Variants in FAM204A observed in about 807,000 individuals in gnomAD.
FAM204A encodes protein FAM204A.
A neutral mutation model predicts 35.4 loss-of-function variants in FAM204A; 16 were observed. The ratio of observed to expected loss-of-function variants is 0.45; its 90% CI spans 0.31 to 0.69. The LOEUF (loss-of-function observed/expected upper bound fraction) is 0.69. FAM204A is among the 30% of genes least tolerant of loss of function. FAM204A has a pLI of 0.07. For missense variants in FAM204A, 240 were observed against 265.7 expected (o/e 0.90, Z 0.67); for synonymous variants, 76 against 86.9 (o/e 0.88, Z 0.70).
chr10:118,319,404 C>CA (rs1846078418), intron 7 of FAM204A, among the ~76,000 whole-genome samples: 1 of 151,906 alleles, frequency 6.6e-6, no homozygotes, highest in African/African-American at 2.4e-5. Context: ...ACATTATTAA[C>CA]TTTACCTGTA....
At chr10:118,323,672 G>T (rs73426853) in intron 7 of FAM204A, among the ~76,000 whole-genome samples, 2,476 of 152,060 alleles carry the variant, frequency 0.016, 57 homozygotes, top group African/African-American at 0.056. Context: ...CAACCTCACA[G>T]GTACTGCCCC....
In FAM204A at chr10:118,335,231, G is replaced by C; in HGVS notation, c.354-18C>G. On this transcript the variant is annotated intron_variant, in intron 5 of 8. Transcript: ENST00000369183. The stretch of plus-strand genomic sequence containing the variant: ...ACGGTTCACTAAAAGAAGATAGTAA[G>C]TTTTGTTTTATACAATATATACTGT... 2 of 1,604,338 alleles carry C rather than the reference G, an allele frequency of 1.2e-6. No homozygotes were observed. Among genetic ancestry groups the C allele is most frequent in the Non-Finnish European group, 1.7e-6 (2 of 1,173,226 alleles).
At chr10:118,315,277 G>C (rs1243036722) in intron 7 of FAM204A, among the ~76,000 whole-genome samples, 2 of 152,154 alleles carry the variant, frequency 1.3e-5, no homozygotes, top group Non-Finnish European at 2.9e-5. Flanking sequence ...AATAAAGTTA[G>C]TTTTTCTTGC....
At position 118,336,337 on chromosome 10, in the gene FAM204A, T is replaced by C. The variant is rs1846385892; in HGVS notation, c.79A>G (p.Asn27Asp). ...TCTTCCTGTAAGTTAAGTCCAGAGT[T>C]CTCCAACGTAGCTTCATCTTCCGAG... ...SNSEDEATLE[N>D]SGLNLQEDKE... Residue 27 changes from asparagine to aspartate, a missense_variant, in exon 3 of 9, where the codon AAC becomes GAC. Around this residue, in one of 2 missense-constraint regions of FAM204A, gnomAD observed 232 missense variants for 242.8 expected, o/e 0.96. Transcript: ENST00000369183. The C allele has an allele frequency of 6.2e-7, 1 of 1,614,026 alleles. No homozygotes were observed.
rs544082608 is a variant in FAM204A, at chr10:118,301,457, C to G, written c.*9400G>C. 18 of 152,314 alleles carry G rather than the reference C, an allele frequency of 1.2e-4. No individual in the cohort carries two copies. The highest frequency in any genetic ancestry group is 2.6e-4 in the Admixed American group (4 of 15,300). The allele number at this position is 152,314 out of a possible 1,614,324, so 9.4% of individuals were successfully genotyped here. A position where few individuals can be genotyped will look rare whatever the true frequency, so the allele number is the denominator to read the frequency against. On this transcript the variant is annotated 3_prime_UTR_variant, in exon 9 of 9. Transcript: ENST00000369183. ...AGACACCTGTATACTGCATGACTTT[C>G]ATTCAAGAACAGGAACTCTGAGTTA...
rs1345678306 is a variant in FAM204A at position 118,303,288 on chromosome 10, C to T, written c.*7569G>A. On this transcript the variant is annotated 3_prime_UTR_variant, in exon 9 of 9. Transcript: ENST00000369183. Reference sequence around the variant, plus strand: ...TTATACATATGTAGAACCAAGATGTCCCTCCAAGGCAAGGAGCATAAATAA... The same window carrying T: ...TTATACATATGTAGAACCAAGATGTTCCTCCAAGGCAAGGAGCATAAATAA... The T allele has an allele frequency of 6.6e-6, 1 of 152,192 alleles. No homozygotes were observed. The highest frequency in any genetic ancestry group is 1.5e-5 in the Non-Finnish European group (1 of 68,040). The allele number at this position is 152,192 out of a possible 1,614,324, so 9.4% of individuals were successfully genotyped here.
At chr10:118,324,727 T>G (rs1846171138) in intron 7 of FAM204A, among the ~76,000 whole-genome samples, 1 of 152,098 alleles carries the variant, frequency 6.6e-6, no homozygotes, top group Non-Finnish European at 1.5e-5. Context: ...GAGTTTCAGT[T>G]CTGCAAGACA....
rs1845914926 is a variant in FAM204A, at chr10:118,309,546, A to C, written c.*1311T>G. The C allele has an allele frequency of 6.6e-6, 1 of 152,190 alleles. No individual in the cohort carries two copies. 9.4% of individuals were successfully genotyped at this position (152,190 alleles called of 1,614,324 possible). A position where few individuals can be genotyped will look rare whatever the true frequency, so the allele number is the denominator to read the frequency against. On this transcript the variant is annotated 3_prime_UTR_variant, in exon 9 of 9. Coordinates refer to ENST00000369183, the MANE Select transcript of FAM204A (RefSeq NM_022063.3). ...GAGTGGTTCTTTACCTCCGCTGGGCACTGAGCAGGGAGGTGCCGACACACC... is the reference window on the plus strand; with the variant it reads ...GAGTGGTTCTTTACCTCCGCTGGGCCCTGAGCAGGGAGGTGCCGACACACC...
chr10:118,311,101 A>C, intron 8 of FAM204A, 106 bp downstream of exon 8: 1 of 1,151,258 alleles, frequency 8.7e-7, no homozygotes, highest in South Asian at 1.4e-5. Context: ...CGAAGAAAAA[A>C]ATGTAAAATG....
At position 118,335,206 on chromosome 10, in the gene FAM204A, A is replaced by G. The variant is rs1846360548; in HGVS notation, c.361T>C (p.Ser121Pro). ...TCTTTCCACTGGGTTTCATTTGAGG[A>G]CGGTTCACTAAAAGAAGATAGTAAG... ...KNEKELHSEP[S>P]SNETQWKELT... Residue 121 changes from serine (S) to proline (P), a missense_variant, in exon 6 of 9, where the codon TCC becomes CCC. Transcript: ENST00000369183. 1.2e-6 allele frequency: 2 copies of G among 1,612,554 alleles called. No homozygotes were observed. The highest frequency in any genetic ancestry group is 8.5e-7 in the Non-Finnish European group (1 of 1,179,430).
chr10:118,326,724 G>T (rs552305201), intron 6 of FAM204A, among the ~76,000 whole-genome samples: 2 of 152,150 alleles, frequency 1.3e-5, no homozygotes, highest in African/African-American at 4.8e-5. Flanking sequence ...GCCATCACAT[G>T]AATTCAGGTT....
rs1426006895 is a variant in FAM204A, at chr10:118,299,048, T to C, written c.*11809A>G. ...AATCCTTCTCTGGCCCCCTGGACAG[T>C]GTACGTGTGAGTGACGGTTCCCTCT... is the stretch of plus-strand genomic sequence containing the variant. On this transcript the variant is annotated 3_prime_UTR_variant, in exon 9 of 9. Transcript: ENST00000369183. 2 of 152,186 alleles carry C rather than the reference T, an allele frequency of 1.3e-5. No homozygotes were observed. Among genetic ancestry groups the C allele is most frequent in the East Asian group, 1.9e-4 (1 of 5,186 alleles). 9.4% of individuals were successfully genotyped at this position (152,186 alleles called of 1,614,324 possible).
chr10:118,311,332 A>AG lies in FAM204A; in HGVS notation c.544-20_544-19insC. ...CACCAAGCTAAGAATTACAAAGGAG[A>AG]AAAAAAAAGTGAAAATAAATATTCC... On this transcript the variant is annotated intron_variant, in intron 7 of 8. Transcript: ENST00000369183. 1 of 1,119,938 alleles carries AG rather than the reference A, an allele frequency of 8.9e-7. No homozygotes were observed. Among genetic ancestry groups the AG allele is most frequent in the Non-Finnish European group, 1.2e-6 (1 of 849,118 alleles). The allele number at this position is 1,119,938 out of a possible 1,614,324, so 69.4% of individuals were successfully genotyped here.
rs373194636 is a variant in FAM204A, at chr10:118,341,134, T to C, written c.-9+593A>G. On this transcript the variant is annotated intron_variant, in intron 2 of 8. Coordinates refer to ENST00000369183, the MANE Select transcript of FAM204A (RefSeq NM_022063.3). ...GTTTGAGTAATAATGTCATATTTTC[T>C]GGACAACCAGACAGCTGCTTATAAT... is the stretch of plus-strand genomic sequence containing the variant. Among the ~76,000 whole-genome samples the C allele has an allele frequency of 4.4e-4, 67 of 152,368 alleles. 1 individual carries two copies. The East Asian group carries it at 0.01, about 23-fold the overall frequency.
intron 6 of FAM204A, among the ~76,000 whole-genome samples, chr10:118,333,599 A>G (rs1010525363): frequency 6.6e-6 from 1 of 152,214 alleles, no homozygotes; most frequent in African/African-American, 2.4e-5. Flanking sequence ...AACTACCAAG[A>G]GAACAGGAAA....
Position 118,336,443 on chromosome 10 carries a change from T to C in FAM204A, c.-8-20A>G. 6.3e-7 allele frequency: 1 copy of C among 1,583,158 alleles called. No homozygotes were observed. Among genetic ancestry groups the C allele is most frequent in the Non-Finnish European group, 8.6e-7 (1 of 1,165,560 alleles). ...TTTCTTCTATGAGGAAAAAGATTAA[T>C]TTACACATGTAGAATAACCATAGAA... On this transcript the variant is annotated intron_variant, in intron 2 of 8. Transcript: ENST00000369183.
intron 2 of FAM204A, among the ~76,000 whole-genome samples, chr10:118,338,505 T>G (rs1222193129): frequency 6.6e-6 from 1 of 152,176 alleles, no homozygotes; most frequent in Non-Finnish European, 1.5e-5. Flanking sequence ...GGAGTCTATG[T>G]TAGAAATAAC....
Position 118,299,372 on chromosome 10 carries a change from T to C in FAM204A, c.*11485A>G, listed in dbSNP as rs1845782799. ...CATGATTTGGTTTTGGAAAACCTCC[T>C]CCTTTCTGCTTCCAGAAGGTTTTTT... On this transcript the variant is annotated 3_prime_UTR_variant, in exon 9 of 9. Coordinates refer to ENST00000369183, the MANE Select transcript of FAM204A (RefSeq NM_022063.3). 6.8e-6 allele frequency: 1 copy of C among 147,500 alleles called. No homozygotes were observed. The highest frequency in any genetic ancestry group is 2.2e-4 in the South Asian group (1 of 4,544). The allele number at this position is 147,500 out of a possible 1,614,324, so 9.1% of individuals were successfully genotyped here. A position where few individuals can be genotyped will look rare whatever the true frequency, so the allele number is the denominator to read the frequency against.
At chr10:118,319,949 C>T (rs1026572677) in intron 7 of FAM204A, among the ~76,000 whole-genome samples, 1 of 151,862 alleles carries the variant, frequency 6.6e-6, no homozygotes, top group African/African-American at 2.4e-5. Context: ...CATAAAAAAG[C>T]CAAAATGAAA....
Sources: gnomAD v4.1 joint callset for allele counts (sites outside exome capture counted in the v4.1 genomes callset) on GRCh38, gnomAD v4.1.1 for gene constraint, gnomAD v4.1.1 regional missense constraint, MANE v1.5 for transcripts, NCBI Gene and HGNC (gene_info 2026-07-23, HGNC 2026-07-21) for gene names.